The following DCBLD2 variants were observed in gnomAD, a reference collection of about 807,000 sequenced individuals.
The protein encoded by DCBLD2 is discoidin, CUB and LCCL domain-containing protein 2.
Under a neutral mutation model 86.8 loss-of-function variants are expected in DCBLD2, and 54 were observed. That is an observed-to-expected ratio of 0.62 (90% CI 0.50 to 0.78). The LOEUF (loss-of-function observed/expected upper bound fraction) is 0.78, where lower values mean the gene tolerates loss of function less well. Among genes scored for constraint, DCBLD2 ranks in the 30% least tolerant of loss-of-function variants. The pLI is 0.00. For synonymous variants in DCBLD2, 354 were observed against 341.3 expected, an observed-to-expected ratio of 1.04 and a Z score of -0.41; for missense variants, 908 against 954.2, an observed-to-expected ratio of 0.95 and a Z score of 0.64.
intron 9 of DCBLD2, chr3:98,815,218 G>C (rs1942000335): frequency 6.6e-6 from 1 of 152,232 alleles, no homozygotes; most frequent in Admixed American, 6.5e-5. Context: ...ACACTGGAAT[G>C]AGTCAGCAGG....
At chr3:98,868,674 G>T (rs1478095011) in intron 2 of DCBLD2, among the ~76,000 whole-genome samples, 1 of 152,018 alleles carries the variant, frequency 6.6e-6, no homozygotes, top group Non-Finnish European at 1.5e-5. Context: ...TATCCACAAG[G>T]TTAGTCCCCC....
At chr3:98,825,154 T>A (rs1942192721) in intron 4 of DCBLD2, among the ~76,000 whole-genome samples, 161 bp downstream of exon 4, 1 of 152,134 alleles carries the variant, frequency 6.6e-6, no homozygotes, top group Non-Finnish European at 1.5e-5. Context: ...ACTAAATGGC[T>A]TTATGCTTTA....
At chr3:98,839,530 A>G (rs1340268528) in intron 3 of DCBLD2, among the ~76,000 whole-genome samples, 3 of 152,250 alleles carry the variant, frequency 2.0e-5, no homozygotes, top group Non-Finnish European at 2.9e-5. Flanking sequence ...CTATCATAGA[A>G]TAACAGTGTC....
chr3:98,820,318 T>C (rs1285208000), intron 6 of DCBLD2, 30 bp from the exon 7 acceptor site: 3 of 1,438,624 alleles, frequency 2.1e-6, no homozygotes, highest in Admixed American at 2.5e-5. Flanking sequence ...TTTTTGGTGA[T>C]ACTCACATAA....
chr3:98,827,533 G>A (rs1437847290), intron 3 of DCBLD2, among the ~76,000 whole-genome samples: 1 of 152,200 alleles, frequency 6.6e-6, no homozygotes, highest in African/African-American at 2.4e-5. Flanking sequence ...ACTATGCCAT[G>A]CAAATGTGCA....
intron 3 of DCBLD2, among the ~76,000 whole-genome samples, chr3:98,840,326 G>C (rs1240210582): frequency 2.0e-5 from 3 of 152,150 alleles, no homozygotes; most frequent in Non-Finnish European, 4.4e-5. Flanking sequence ...TTGAGAAAAA[G>C]AGAGGAGTCA....
intron 13 of DCBLD2, among the ~76,000 whole-genome samples, chr3:98,802,959 G>A (rs1269760426): frequency 6.6e-6 from 1 of 152,194 alleles, no homozygotes; most frequent in African/African-American, 2.4e-5. Context: ...TAGCCTTGTA[G>A]TATAGTTTGA....
intron 3 of DCBLD2, among the ~76,000 whole-genome samples, chr3:98,827,871 T>C (rs930769153): frequency 1.3e-5 from 2 of 152,230 alleles, no homozygotes; most frequent in African/African-American, 4.8e-5. Context: ...GATAGCAATG[T>C]ATAAGTCATC....
At chr3:98,835,938 C>CTTTCTTCCTTCCTTTCTTTCTTTCTT (rs56279917) in intron 3 of DCBLD2, among the ~76,000 whole-genome samples, 1 of 115,054 alleles carries the variant, frequency 8.7e-6, no homozygotes, top group South Asian at 3.0e-4. Context: ...TCCTTTCTTT[C>CTTTCTTCCTTCCTTTCTTTCTTTCTT]TTTTTTTTTT....
At chr3:98,816,690 CT>C (rs1360229089) in intron 9 of DCBLD2, among the ~76,000 whole-genome samples, 1 of 152,132 alleles carries the variant, frequency 6.6e-6, no homozygotes, top group South Asian at 2.1e-4. Context: ...TAATTGAAGA[CT>C]TTTTAGCAAA....
intron 2 of DCBLD2, 40 bp downstream of exon 2, chr3:98,881,500 A>G (rs1417369510): frequency 2.0e-6 from 3 of 1,523,142 alleles, no homozygotes; most frequent in Non-Finnish European, 2.7e-6. Flanking sequence ...CATTGAGACA[A>G]TGATGTATTT....
At chr3:98,824,258 C>A (rs1942174950) in intron 4 of DCBLD2, among the ~76,000 whole-genome samples, 1 of 151,976 alleles carries the variant, frequency 6.6e-6, no homozygotes, top group Non-Finnish European at 1.5e-5. Context: ...TATTCTGGCT[C>A]CTGGGAAGAA....
rs1491105632 is a variant in DCBLD2 at position 98,839,144 on chromosome 3, C to CTTCCTTCCTTCTTTCTTTCT, written c.571+10316_571+10317insAGAAAGAAAGAAGGAAGGAA. Among the ~76,000 whole-genome samples the CTTCCTTCCTTCTTTCTTTCT allele has an allele frequency of 2.4e-4, 27 of 111,044 alleles. No homozygotes were observed. The South Asian group carries it at 2.8e-3, about 12-fold the overall frequency. The allele number at this position is 111,044 out of a possible 152,430, so 72.8% of individuals were successfully genotyped here. A position where few individuals can be genotyped will look rare whatever the true frequency, so the allele number is the denominator to read the frequency against. On this transcript the variant is annotated intron_variant, in intron 3 of 15. Transcript: ENST00000326840. ...TTTTCTTTCTTTCCTTCCTTCCTTC[C>CTTCCTTCCTTCTTTCTTTCT]TTCTTTCTTTCTTTCTTTCTTTCTT... is the stretch of plus-strand genomic sequence containing the variant.
rs1383348618 is a variant in DCBLD2 at position 98,796,132 on chromosome 3, G to T, written c.*3240C>A. Reference sequence around the variant, plus strand: ...CAAATACTGAGTGACTACAGTACATGCCGAGGTAAGATAAGTACATTCTGG... The same window carrying T: ...CAAATACTGAGTGACTACAGTACATTCCGAGGTAAGATAAGTACATTCTGG... On this transcript the variant is annotated 3_prime_UTR_variant, in exon 16 of 16. Transcript: ENST00000326840. 1.3e-5 allele frequency: 2 copies of T among 152,518 alleles called. No homozygotes were observed. The allele number at this position is 152,518 out of a possible 1,614,324, so 9.4% of individuals were successfully genotyped here.
At chr3:98,799,877 A>G in intron 15 of DCBLD2, 36 bp from the exon 16 acceptor site, 1 of 1,525,560 alleles carries the variant, frequency 6.6e-7, no homozygotes, top group South Asian at 1.3e-5. Flanking sequence ...AAGTCATTTT[A>G]CTAGTAAAGA....
Position 98,901,182 on chromosome 3 carries a change from G to T in DCBLD2, c.145C>A (p.Leu49Met). The change falls in exon 1 of 16, where the codon CTG (leucine) becomes ATG (methionine). Residue 49 changes from leucine to methionine, a missense_variant. By Grantham distance (15) the Leu-to-Met change is conservative. Around this residue, in one of 3 missense-constraint regions of DCBLD2, gnomAD observed 294 missense variants for 256.0 expected, o/e 1.15. Coordinates refer to ENST00000326840, the MANE Select transcript of DCBLD2 (RefSeq NM_080927.4). ...AGGACAAGTAAGAGCAGGAGGAACA[G>T]AGGCATGGAGAAGGAGGAGGAGTTG... Reference protein sequence around the residue: ...CSNSSSFSMPLFLLLLLVLLL... With the variant: ...CSNSSSFSMPMFLLLLLVLLL... 5.9e-6 allele frequency: 9 copies of T among 1,537,684 alleles called. No individual in the cohort carries two copies. Among genetic ancestry groups the T allele is most frequent in the Non-Finnish European group, 7.8e-6 (9 of 1,146,790 alleles).
At chr3:98,803,297 T>G (rs1224011962) in intron 13 of DCBLD2, among the ~76,000 whole-genome samples, 1 of 152,192 alleles carries the variant, frequency 6.6e-6, no homozygotes, top group Non-Finnish European at 1.5e-5. Context: ...GGTATTTTAT[T>G]CTCTTTGAAG....
At chr3:98,838,089 C>T (rs374147230) in intron 3 of DCBLD2, among the ~76,000 whole-genome samples, 1 of 85,378 alleles carries the variant, frequency 1.2e-5, no homozygotes, top group Non-Finnish European at 2.5e-5. Flanking sequence ...CTGGCCAGGC[C>T]GGGGGCTGAA....
chr3:98,885,112 C>CT (rs1220622004), intron 1 of DCBLD2, among the ~76,000 whole-genome samples: 1 of 151,998 alleles, frequency 6.6e-6, no homozygotes, highest in East Asian at 1.9e-4. Context: ...ACAGAGTTGT[C>CT]TTTTTTCATA....
Sources: allele counts gnomAD v4.1 joint callset (sites outside exome capture counted in the v4.1 genomes callset), GRCh38; gene constraint gnomAD v4.1.1; regional missense constraint gnomAD v4.1.1; transcripts MANE v1.5; gene names NCBI Gene and HGNC (gene_info 2026-07-23, HGNC 2026-07-21).